The following DARS2 variants were observed in gnomAD, a reference collection of about 807,000 sequenced individuals.
DARS2 encodes the protein aspartyl-tRNA synthetase 2, mitochondrial.
Under a neutral mutation model 83.0 loss-of-function variants are expected in DARS2, and 63 were observed. The observed-to-expected ratio is 0.76, with a 90% confidence interval of 0.62 to 0.94. The LOEUF (loss-of-function observed/expected upper bound fraction) is 0.94. Ranked by LOEUF, DARS2 falls within the 40% of genes least tolerant of loss-of-function variation. The pLI, the probability that DARS2 is intolerant of heterozygous loss-of-function variation, is 0.00. For missense variants in DARS2, 675 were observed against 774.4 expected (o/e 0.87, Z 1.52); for synonymous variants, 250 against 269.3 (o/e 0.93, Z 0.70).
chr1:173,858,149 T>G lies in DARS2; in HGVS notation c.*444T>G, dbSNP rs1473889738. On this transcript the variant is annotated 3_prime_UTR_variant, in exon 17 of 17. Transcript: ENST00000649689. ...TCCTCATCAAGAGAATCATATAAATTAAGCTTTATAATGACATTTCAACCA... is the reference window on the plus strand; with the variant it reads ...TCCTCATCAAGAGAATCATATAAATGAAGCTTTATAATGACATTTCAACCA... 1 of 201,258 alleles carries G rather than the reference T, an allele frequency of 5.0e-6. No individual in the cohort carries two copies. Among genetic ancestry groups the G allele is most frequent in the Non-Finnish European group, 1.0e-5 (1 of 96,718 alleles). The allele number at this position is 201,258 out of a possible 1,614,324, so 12.5% of individuals were successfully genotyped here. A position where few individuals can be genotyped will look rare whatever the true frequency, so the allele number is the denominator to read the frequency against.
At chr1:173,829,784 C>T (rs1245754798) in intron 3 of DARS2, among the ~76,000 whole-genome samples, 1 of 152,134 alleles carries the variant, frequency 6.6e-6, no homozygotes, top group East Asian at 1.9e-4. Flanking sequence ...TGGCGGGCTC[C>T]TGTAACCCCA....
chr1:173,832,240 A>C (rs1387958463), intron 5 of DARS2, among the ~76,000 whole-genome samples: 1 of 152,192 alleles, frequency 6.6e-6, no homozygotes. Flanking sequence ...TTCATGGCCA[A>C]TTAGTCTTAC....
In DARS2 at chr1:173,838,819, T is replaced by G. The variant is rs546426117; in HGVS notation, c.841-548T>G. 2.6e-5 allele frequency among the ~76,000 whole-genome samples: 4 copies of G among 152,292 alleles called. 1 individual carries two copies. Among genetic ancestry groups the G allele is most frequent in the African/African-American group, 9.6e-5 (4 of 41,562 alleles). ...GGCGCGGTCTCAGCTCATTGCTGCC[T>G]CTGCCTCTCAGGTTCAAGCAATTCA... On this transcript the variant is annotated intron_variant, in intron 9 of 16. Coordinates refer to ENST00000649689, the MANE Select transcript of DARS2 (RefSeq NM_018122.5).
intron 2 of DARS2, 146 bp from the exon 3 acceptor site, chr1:173,828,187 T>TA: frequency 1.2e-6 from 1 of 845,318 alleles, no homozygotes; most frequent in South Asian, 1.7e-5. Context: ...ATAATTATCA[T>TA]AAAAAACATG....
chr1:173,832,768 CA>C (rs5779442), intron 5 of DARS2, among the ~76,000 whole-genome samples: 52,628 of 103,394 alleles, frequency 0.51, 11,258 homozygotes, highest in African/African-American at 0.64. Flanking sequence ...GACTCCATCT[CA>C]AAAAAAAAAA....
intron 15 of DARS2, 148 bp downstream of exon 15, chr1:173,854,053 G>A (rs1488286351): frequency 2.8e-6 from 2 of 709,110 alleles, no homozygotes; most frequent in Middle Eastern, 6.8e-4. Flanking sequence ...ATAGCTCACT[G>A]CAATCTCAGT....
At chr1:173,855,777 C>T (rs1340874671) in intron 15 of DARS2, among the ~76,000 whole-genome samples, 1 of 151,918 alleles carries the variant, frequency 6.6e-6, no homozygotes, top group East Asian at 1.9e-4. Context: ...CTTAGCCTCC[C>T]GAGTGGCTGG....
chr1:173,853,371 G>A lies in DARS2; in HGVS notation c.1367G>A (p.Arg456Gln), dbSNP rs1397125966. ...CAGTGCTCTTTGTTAGGAAAATTACGACTGGAATGTGCTGACCTTCTAGAA... is the reference window on the plus strand; with the variant it reads ...CAGTGCTCTTTGTTAGGAAAATTACAACTGGAATGTGCTGACCTTCTAGAA... ...NKACSLLGKL[R>Q]LECADLLETR... is the part of the protein sequence containing the mutation. The change falls in exon 14 of 17, where the codon CGA becomes CAA. Residue 456 changes from arginine to glutamine, a missense_variant. Physicochemically the swap from Arg to Gln is conservative, Grantham distance 43. Coordinates refer to ENST00000649689, the MANE Select transcript of DARS2 (RefSeq NM_018122.5). The A allele has an allele frequency of 2.0e-5, 33 of 1,613,620 alleles. No homozygotes were observed. Among genetic ancestry groups the A allele is most frequent in the African/African-American group, 2.7e-5 (2 of 74,830 alleles).
intron 4 of DARS2, among the ~76,000 whole-genome samples, chr1:173,831,105 G>A (rs1652781693): frequency 6.6e-6 from 1 of 152,044 alleles, no homozygotes; most frequent in East Asian, 1.9e-4. Flanking sequence ...TTAGCAGAGA[G>A]AGGGTTTCAC....
At chr1:173,834,969 A>G (rs1413212221) in intron 7 of DARS2, among the ~76,000 whole-genome samples, 1 of 150,644 alleles carries the variant, frequency 6.6e-6, no homozygotes, top group Non-Finnish European at 1.5e-5. Context: ...TTTAGTAGAG[A>G]CGGAGTTTCA....
intron 11 of DARS2, among the ~76,000 whole-genome samples, chr1:173,844,099 C>T (rs576318563): frequency 1.3e-5 from 2 of 152,166 alleles, no homozygotes; most frequent in South Asian, 2.1e-4. Flanking sequence ...ATCATGCTCT[C>T]GAAAGGAGGG....
At chr1:173,852,335 C>A (rs1220886437) in intron 13 of DARS2, 1 of 720,348 alleles carries the variant, frequency 1.4e-6, no homozygotes, top group African/African-American at 1.9e-5. Context: ...CTCATTTAAT[C>A]CTCATGCCAA....
chr1:173,856,823 G>C, intron 16 of DARS2, 82 bp downstream of exon 16: 1 of 1,189,354 alleles, frequency 8.4e-7, no homozygotes, highest in South Asian at 1.2e-5. Flanking sequence ...TGTTGGTAGA[G>C]GTGGAAGGAT....
chr1:173,826,644 T>C, intron 1 of DARS2, 43 bp from the exon 2 acceptor site: 2 of 1,472,434 alleles, frequency 1.4e-6, no homozygotes, highest in Non-Finnish European at 1.9e-6. Flanking sequence ...GATGTATTTT[T>C]AATCTTGCCT....
intron 12 of DARS2, among the ~76,000 whole-genome samples, chr1:173,848,206 CCT>C (rs942781944): frequency 1.4e-4 from 21 of 152,242 alleles, no homozygotes; most frequent in African/African-American, 4.8e-4. Flanking sequence ...CCCAGGTTTT[CCT>C]CTTTCTTTTT....
Position 173,845,728 on chromosome 1 carries a change from G to A in DARS2, c.1191+437G>A, listed in dbSNP as rs1283537608. Among the ~76,000 whole-genome samples the A allele has an allele frequency of 4.0e-5, 6 of 151,684 alleles. No homozygotes were observed. The East Asian group carries it at 7.7e-4, about 20-fold the overall frequency. ...AGGCATCAGAGCAAGATTCCATCTC[G>A]AAAAAAAATTGGGCTGGGCACGGTG... On this transcript the variant is annotated intron_variant, in intron 12 of 16. Coordinates refer to ENST00000649689, the MANE Select transcript of DARS2 (RefSeq NM_018122.5).
chr1:173,850,031 A>T (rs954073810), intron 12 of DARS2, among the ~76,000 whole-genome samples: 1 of 151,358 alleles, frequency 6.6e-6, no homozygotes, highest in Non-Finnish European at 1.5e-5. Context: ...TACTTTTTGT[A>T]TTTTTAGTAG....
intron 5 of DARS2, among the ~76,000 whole-genome samples, chr1:173,833,006 G>A (rs529210736): frequency 1.3e-5 from 2 of 152,188 alleles, no homozygotes; most frequent in South Asian, 2.1e-4. Flanking sequence ...AAGTAGCTGG[G>A]ATTATAGGCA....
At chr1:173,830,816 C>A in intron 4 of DARS2, 55 bp downstream of exon 4, 1 of 1,329,232 alleles carries the variant, frequency 7.5e-7, no homozygotes, top group Non-Finnish European at 1.1e-6. Flanking sequence ...TTTGCACCAT[C>A]TGTGTACACA....
Sources: gnomAD v4.1 joint callset for allele counts (sites outside exome capture counted in the v4.1 genomes callset) on GRCh38, gnomAD v4.1.1 for gene constraint, MANE v1.5 for transcripts, NCBI Gene and HGNC (gene_info 2026-07-23, HGNC 2026-07-21) for gene names.